CSMD1: variants seen among roughly 807,000 people sequenced by gnomAD.
CSMD1 encodes CUB and sushi domain-containing protein 1.
Under a neutral mutation model 417.5 loss-of-function variants are expected in CSMD1, and 213 were observed. That is an observed-to-expected ratio of 0.51 (90% CI 0.46 to 0.57). The LOEUF (loss-of-function observed/expected upper bound fraction) is 0.57. Among genes scored for constraint, CSMD1 ranks in the 20% least tolerant of loss-of-function variants. The pLI is 0.00. For missense variants in CSMD1, 6,923 were observed against 4,529.7 expected (o/e 1.53, Z -15.17); for synonymous variants, 2,862 against 1,736.8 (o/e 1.65, Z -16.11).
chr8:3,243,312 C>G (rs1424976158), intron 26 of CSMD1, among the ~76,000 whole-genome samples: 1 of 152,160 alleles, frequency 6.6e-6, no homozygotes, highest in Admixed American at 6.5e-5. Flanking sequence ...CGAGTCACAG[C>G]ACCACATTTC....
chr8:3,292,614 T>C (rs556809867), intron 25 of CSMD1, among the ~76,000 whole-genome samples: 65 of 152,300 alleles, frequency 4.3e-4, no homozygotes, highest in African/African-American at 1.5e-3. Context: ...TCTTTGTTGG[T>C]TTAAAGTCTG....
At chr8:4,383,740 G>C (rs1584990891) in intron 3 of CSMD1, among the ~76,000 whole-genome samples, 1 of 148,966 alleles carries the variant, frequency 6.7e-6, no homozygotes. Flanking sequence ...CACATGTGCA[G>C]ATAAAAAAAA....
At chr8:4,516,773 A>C (rs987865788) in intron 2 of CSMD1, among the ~76,000 whole-genome samples, 8 of 152,144 alleles carry the variant, frequency 5.3e-5, no homozygotes, top group African/African-American at 1.7e-4. Flanking sequence ...GGATCAACTC[A>C]TGTAAAGTTC....
chr8:4,270,463 G>A (rs749212466), intron 3 of CSMD1, among the ~76,000 whole-genome samples: 5 of 152,058 alleles, frequency 3.3e-5, no homozygotes, highest in Non-Finnish European at 7.4e-5. Context: ...CAGAGAAGCC[G>A]CAGAGCTTTT....
At chr8:4,471,815 G>A (rs781285715) in intron 2 of CSMD1, among the ~76,000 whole-genome samples, 3 of 152,166 alleles carry the variant, frequency 2.0e-5, no homozygotes, top group Non-Finnish European at 4.4e-5. Flanking sequence ...GAAGCTGGCA[G>A]GTGTGTCTAA....
chr8:3,522,796 G>A (rs972887846), intron 10 of CSMD1, among the ~76,000 whole-genome samples: 18 of 150,790 alleles, frequency 1.2e-4, no homozygotes, highest in African/African-American at 3.4e-4. Context: ...CATTTTTCAT[G>A]GTTACATATT....
chr8:4,236,936 T>C (rs182624656), intron 3 of CSMD1, among the ~76,000 whole-genome samples: 3 of 152,162 alleles, frequency 2.0e-5, no homozygotes, highest in Non-Finnish European at 4.4e-5. Context: ...CAGAAACAAG[T>C]TCAAGTTCAG....
At chr8:4,072,629 T>C (rs1416014724) in intron 3 of CSMD1, among the ~76,000 whole-genome samples, 2 of 152,198 alleles carry the variant, frequency 1.3e-5, no homozygotes, top group Admixed American at 6.5e-5. Flanking sequence ...GTTTTGAAAA[T>C]TAAACATCCA....
chr8:3,385,101 TATAA>T (rs1343275139), intron 18 of CSMD1, among the ~76,000 whole-genome samples: 3 of 101,290 alleles, frequency 3.0e-5, no homozygotes, highest in South Asian at 2.7e-4. Context: ...AAAATATATA[TATAA>T]ATAAAAATAT....
chr8:4,470,969 G>C (rs897464939), intron 2 of CSMD1, among the ~76,000 whole-genome samples: 2 of 152,140 alleles, frequency 1.3e-5, no homozygotes, highest in Non-Finnish European at 2.9e-5. Context: ...TCAATTCAGT[G>C]TCTTTTAAAT....
chr8:3,197,699 C>T (rs113864573), intron 33 of CSMD1, among the ~76,000 whole-genome samples: 1 of 151,898 alleles, frequency 6.6e-6, no homozygotes, highest in Non-Finnish European at 1.5e-5. Flanking sequence ...CTCCTGACCT[C>T]GTGATCCGCC....
In CSMD1 at chr8:3,167,965, T is replaced by A. The variant is rs1242674805; in HGVS notation, c.5726-5688A>T. On this transcript the variant is annotated intron_variant, in intron 37 of 69. Coordinates refer to ENST00000635120, the MANE Select transcript of CSMD1 (RefSeq NM_033225.6). ...CTTAAAACAGGACAAATGGGACTTT[T>A]GTAGATATTATGAACTGAAATGACC... Among the ~76,000 whole-genome samples the A allele has an allele frequency of 2.0e-5, 3 of 152,166 alleles. No individual in the cohort carries two copies. The East Asian group carries it at 5.8e-4, about 29-fold the overall frequency.
chr8:3,808,691 A>G (rs1390076828), intron 5 of CSMD1, among the ~76,000 whole-genome samples: 2 of 152,062 alleles, frequency 1.3e-5, no homozygotes, highest in Non-Finnish European at 2.9e-5. Flanking sequence ...GAGGTTTGGC[A>G]CTCTAGAAGT....
intron 49 of CSMD1, among the ~76,000 whole-genome samples, chr8:3,084,677 T>A (rs1184591622): frequency 6.6e-6 from 1 of 152,106 alleles, no homozygotes. Flanking sequence ...TTAACAATTC[T>A]TTAAGCATAA....
At chr8:4,789,552 A>G (rs1585101112) in intron 1 of CSMD1, among the ~76,000 whole-genome samples, 1 of 152,290 alleles carries the variant, frequency 6.6e-6, no homozygotes, top group East Asian at 1.9e-4. Context: ...ATCTACCACC[A>G]AAGCTTTTGT....
intron 10 of CSMD1, among the ~76,000 whole-genome samples, chr8:3,517,314 G>T (rs1797322869): frequency 6.6e-6 from 1 of 152,176 alleles, no homozygotes; most frequent in Admixed American, 6.5e-5. Flanking sequence ...GGCTGGCAGA[G>T]AACAGGCAAT....
At chr8:3,776,779 G>C (rs962691797) in intron 5 of CSMD1, among the ~76,000 whole-genome samples, 1 of 122,144 alleles carries the variant, frequency 8.2e-6, no homozygotes, top group African/African-American at 3.5e-5. Flanking sequence ...TGATAGATGA[G>C]CAGTGATAGA....
At chr8:3,259,522 G>A (rs1421619169) in intron 26 of CSMD1, among the ~76,000 whole-genome samples, 2 of 152,188 alleles carry the variant, frequency 1.3e-5, no homozygotes, top group African/African-American at 2.4e-5. Context: ...TTCTTTGTCT[G>A]TAAGGGGTAG....
intron 8 of CSMD1, among the ~76,000 whole-genome samples, chr8:3,596,511 T>C (rs1801102133): frequency 6.6e-6 from 1 of 152,212 alleles, no homozygotes; most frequent in Non-Finnish European, 1.5e-5. Flanking sequence ...GGGCTTTCTT[T>C]TTTTGTAACT....
Sources: allele counts gnomAD v4.1 joint callset (sites outside exome capture counted in the v4.1 genomes callset), GRCh38; gene constraint gnomAD v4.1.1; transcripts MANE v1.5; gene names NCBI Gene and HGNC (gene_info 2026-07-23, HGNC 2026-07-21).